NRXN3: variants seen among roughly 807,000 people sequenced by gnomAD.
The protein encoded by NRXN3 is neurexin 3, also known as neurexin III.
In NRXN3, 32 loss-of-function variants were observed where a neutral mutation model predicts 137.6. The observed-to-expected ratio is 0.23, with a 90% confidence interval of 0.18 to 0.31. The LOEUF is 0.31. Among genes scored for constraint, NRXN3 ranks in the 10% least tolerant of loss-of-function variants. The pLI, the probability that NRXN3 is intolerant of heterozygous loss-of-function variation, is 1.00. For synonymous variants in NRXN3, 798 were observed against 784.5 expected (o/e 1.02, Z -0.29); for missense variants, 1,574 against 2,062.5 (o/e 0.76, Z 4.59).
At chr14:79,253,322 G>C (rs1401661674) in intron 15 of NRXN3, among the ~76,000 whole-genome samples, 2 of 152,114 alleles carry the variant, frequency 1.3e-5, no homozygotes, top group African/African-American at 4.8e-5. Context: ...CATAGTTTAG[G>C]TATGGTTGCC....
intron 15 of NRXN3, among the ~76,000 whole-genome samples, chr14:79,134,917 A>T (rs145049853): frequency 3.4e-4 from 52 of 152,286 alleles, no homozygotes; most frequent in African/African-American, 1.0e-3. Context: ...TTGAAATTTC[A>T]TTTATTTCAC....
At chr14:79,092,862 T>C (rs960897962) in intron 15 of NRXN3, among the ~76,000 whole-genome samples, 2 of 152,104 alleles carry the variant, frequency 1.3e-5, no homozygotes, top group Non-Finnish European at 2.9e-5. Flanking sequence ...AGATCAAAGA[T>C]CTTCCCCAAA....
intron 6 of NRXN3, among the ~76,000 whole-genome samples, chr14:78,704,252 G>T (rs577009273): frequency 2.0e-5 from 3 of 152,266 alleles, no homozygotes; most frequent in African/African-American, 7.2e-5. Context: ...TGGGCAAGAG[G>T]GCAGACAGCT....
At chr14:79,808,297 T>C (rs2099218086) in intron 20 of NRXN3, among the ~76,000 whole-genome samples, 1 of 149,036 alleles carries the variant, frequency 6.7e-6, no homozygotes, top group African/African-American at 2.5e-5. Flanking sequence ...TGTATGTATC[T>C]CAGGCTTCAC....
chr14:78,893,039 T>G (rs1056684639), intron 10 of NRXN3, among the ~76,000 whole-genome samples: 1 of 151,820 alleles, frequency 6.6e-6, no homozygotes, highest in Non-Finnish European at 1.5e-5. Context: ...GGGAAATAAT[T>G]CTGTCCCTAC....
chr14:79,612,600 G>T (rs2098116469), intron 16 of NRXN3, among the ~76,000 whole-genome samples: 1 of 152,120 alleles, frequency 6.6e-6, no homozygotes, highest in African/African-American at 2.4e-5. Flanking sequence ...TGTAATCACA[G>T]CATTTTAGGA....
At chr14:79,277,802 G>C (rs922779427) in intron 15 of NRXN3, among the ~76,000 whole-genome samples, 1 of 152,162 alleles carries the variant, frequency 6.6e-6, no homozygotes, top group Non-Finnish European at 1.5e-5. Flanking sequence ...TTCCTGGGGG[G>C]CTGTGGATCC....
chr14:79,062,860 G>A (rs557087914), intron 15 of NRXN3, among the ~76,000 whole-genome samples: 1 of 152,088 alleles, frequency 6.6e-6, no homozygotes, highest in Non-Finnish European at 1.5e-5. Flanking sequence ...CAAGTCTCTG[G>A]GTGTTGTGAA....
chr14:79,055,618 G>A (rs374391318), intron 15 of NRXN3, among the ~76,000 whole-genome samples: 23 of 152,042 alleles, frequency 1.5e-4, no homozygotes, highest in African/African-American at 2.9e-4. Flanking sequence ...AGCTCATTAC[G>A]AGCAAGAGAG....
intron 4 of NRXN3, among the ~76,000 whole-genome samples, chr14:78,443,126 T>G (rs553873127): frequency 5.9e-5 from 9 of 152,374 alleles, no homozygotes; most frequent in Non-Finnish European, 1.0e-4. Flanking sequence ...AGGTCAAATC[T>G]GTTTTTAAAA....
chr14:78,786,307 T>G (rs2098789156), intron 8 of NRXN3, among the ~76,000 whole-genome samples: 1 of 152,174 alleles, frequency 6.6e-6, no homozygotes, highest in African/African-American at 2.4e-5. Context: ...GAAGAGCATA[T>G]TCTCCTGAGG....
At chr14:79,708,612 G>T (rs1041834757) in intron 19 of NRXN3, among the ~76,000 whole-genome samples, 11 of 151,842 alleles carry the variant, frequency 7.2e-5, no homozygotes, top group African/African-American at 2.4e-4. Context: ...TTATGTCTAT[G>T]ACAAGGTGGT....
At chr14:79,645,921 T>C (rs1440174973) in intron 16 of NRXN3, among the ~76,000 whole-genome samples, 1 of 136,130 alleles carries the variant, frequency 7.3e-6, no homozygotes, top group African/African-American at 2.4e-5. Flanking sequence ...CTTGCTTTTC[T>C]TTTCCTTGTC....
At chr14:79,620,063 A>C (rs1567684683) in intron 16 of NRXN3, among the ~76,000 whole-genome samples, 1 of 152,126 alleles carries the variant, frequency 6.6e-6, no homozygotes, top group East Asian at 1.9e-4. Flanking sequence ...AGAAGTCTTT[A>C]CAAAGTTAGC....
intron 4 of NRXN3, among the ~76,000 whole-genome samples, chr14:78,464,995 T>C (rs912530816): frequency 2.6e-5 from 4 of 152,238 alleles, no homozygotes; most frequent in African/African-American, 9.6e-5. Flanking sequence ...AGAGTTTGTT[T>C]GGATAGAATG....
intron 4 of NRXN3, among the ~76,000 whole-genome samples, chr14:78,351,894 C>G (rs531224973): frequency 6.6e-6 from 1 of 150,526 alleles, no homozygotes; most frequent in Admixed American, 6.6e-5. Context: ...AAAATCTCCT[C>G]CTATTTCGGT....
At chr14:79,412,792 A>AAG (rs1371277734) in intron 15 of NRXN3, among the ~76,000 whole-genome samples, 8 of 150,624 alleles carry the variant, frequency 5.3e-5, no homozygotes, top group Non-Finnish European at 8.9e-5. Flanking sequence ...CAAAAAAAAA[A>AAG]AAAAAAAAAA....
chr14:78,313,075 C>T (rs908184609), intron 4 of NRXN3, among the ~76,000 whole-genome samples: 7 of 152,122 alleles, frequency 4.6e-5, no homozygotes, highest in South Asian at 4.1e-4. Context: ...TGAAGGTCAC[C>T]GCCTAGGCAA....
intron 15 of NRXN3, among the ~76,000 whole-genome samples, chr14:79,214,498 A>G (rs1246987365): frequency 6.6e-6 from 1 of 152,224 alleles, no homozygotes; most frequent in Non-Finnish European, 1.5e-5. Flanking sequence ...AAGAAATGAT[A>G]AATATTTGAG....
Sources: allele counts gnomAD v4.1 joint callset (sites outside exome capture counted in the v4.1 genomes callset), GRCh38; gene constraint gnomAD v4.1.1; transcripts MANE v1.5; gene names NCBI Gene and HGNC (gene_info 2026-07-23, HGNC 2026-07-21).